Variants in CEP83 observed in about 807,000 individuals in gnomAD.
CEP83 encodes centrosomal protein 83, also known as centrosomal protein of 83 kDa.
Under a neutral mutation model 101.9 loss-of-function variants are expected in CEP83, and 70 were observed. The observed-to-expected ratio is 0.69, with a 90% CI of 0.57 to 0.84. CEP83 has a LOEUF of 0.84. Among genes scored for constraint, CEP83 ranks in the 40% least tolerant of loss-of-function variants. The pLI is 0.00. For missense variants in CEP83, 715 were observed against 787.2 expected (o/e 0.91, Z 1.10); for synonymous variants, 264 against 267.9 (o/e 0.99, Z 0.14).
At chr12:94,425,023 G>C (rs61626173) in intron 2 of CEP83, 104,186 of 1,236,272 alleles carry the variant, frequency 0.084, 4,784 homozygotes, top group African/African-American at 0.2. Flanking sequence ...GAAAGGGAGG[G>C]GGTAAGAAAG....
At chr12:94,387,218 T>C (rs780048614) in intron 6 of CEP83, among the ~76,000 whole-genome samples, 10 of 152,142 alleles carry the variant, frequency 6.6e-5, no homozygotes, top group Non-Finnish European at 1.0e-4. Flanking sequence ...CATGGACCAT[T>C]ACCAGTCCAT....
intron 2 of CEP83, among the ~76,000 whole-genome samples, chr12:94,415,718 A>G (rs1168876317): frequency 6.6e-6 from 1 of 152,134 alleles, no homozygotes. Flanking sequence ...TCAAAACTAT[A>G]AGGAGAAATA....
At chr12:94,295,024 T>C in the CEP83 span, among the ~76,000 whole-genome samples, 1 of 152,320 alleles carries the variant, frequency 6.6e-6, no homozygotes, top group South Asian at 2.1e-4. Context: ...GGAACTTTTA[T>C]GGGAAAGTCA....
At chr12:94,367,751 T>G in intron 11 of CEP83, 43 bp downstream of exon 11, 10 of 1,443,374 alleles carry the variant, frequency 6.9e-6, no homozygotes, top group Non-Finnish European at 9.3e-6. Context: ...AACTCTGACC[T>G]TATTTCAACA....
chr12:94,434,730 A>G (rs75840185), intron 2 of CEP83, among the ~76,000 whole-genome samples: 8,649 of 152,294 alleles, frequency 0.057, 275 homozygotes, highest in Non-Finnish European at 0.072. Context: ...GATGGGACGC[A>G]AGTCTAAACA....
the CEP83 span, among the ~76,000 whole-genome samples, chr12:94,297,674 CT>C: frequency 6.6e-6 from 1 of 152,188 alleles, no homozygotes; most frequent in South Asian, 2.1e-4. Flanking sequence ...CAGTCTCTTT[CT>C]CCACCATTTC....
At chr12:94,340,909 A>T (rs1593259381) in intron 11 of CEP83, among the ~76,000 whole-genome samples, 1 of 152,360 alleles carries the variant, frequency 6.6e-6, no homozygotes, top group Admixed American at 6.5e-5. Context: ...AAAAGTCACT[A>T]TTATCTAATT....
Position 94,310,125 on chromosome 12 carries a change from A to G in CEP83, c.1812-18T>C. On this transcript the variant is annotated intron_variant, in intron 15 of 16. Transcript: ENST00000397809. The stretch of plus-strand genomic sequence containing the variant: ...CATTTTGTCTTAAAAAGAAAAAGAA[A>G]TGTTTCTTTAACATGGTTATACCCT... 7.2e-7 allele frequency: 1 copy of G among 1,389,724 alleles called. No homozygotes were observed. Among genetic ancestry groups the G allele is most frequent in the East Asian group, 2.3e-5 (1 of 43,596 alleles). 86.1% of individuals were successfully genotyped at this position (1,389,724 alleles called of 1,614,324 possible).
chr12:94,281,385 G>A, the CEP83 span, among the ~76,000 whole-genome samples: 1 of 152,192 alleles, frequency 6.6e-6, no homozygotes, highest in Non-Finnish European at 1.5e-5. Context: ...CAAAGGGGCA[G>A]AAAATACATA....
chr12:94,351,032 T>A (rs1247117250), intron 11 of CEP83, among the ~76,000 whole-genome samples: 1 of 151,768 alleles, frequency 6.6e-6, no homozygotes, highest in Non-Finnish European at 1.5e-5. Flanking sequence ...TAACTGCACT[T>A]CAGGTAAGAG....
At chr12:94,314,138 C>T (rs1970299036) in intron 14 of CEP83, among the ~76,000 whole-genome samples, 1 of 151,874 alleles carries the variant, frequency 6.6e-6, no homozygotes, top group South Asian at 2.1e-4. Flanking sequence ...TATACACAGG[C>T]CTTTTGTTTT....
rs959978784 is a variant in CEP83 at position 94,424,103 on chromosome 12, G to A, written c.-102+11172C>T. The A allele has an allele frequency of 2.5e-5, 40 of 1,606,522 alleles. No homozygotes were observed. In the African/African-American group the frequency reaches 3.3e-4, roughly 13 times the overall value. ...AGATGTCTGAGTCACTCTCTGATAC[G>A]AAGACACAGGAGAGGAAAGGTATGG... On this transcript the variant is annotated intron_variant, in intron 2 of 16. Coordinates refer to ENST00000397809, the MANE Select transcript of CEP83 (RefSeq NM_016122.3).
chr12:94,392,706 G>T (rs1234573993), intron 6 of CEP83, among the ~76,000 whole-genome samples: 3 of 152,120 alleles, frequency 2.0e-5, no homozygotes, highest in Admixed American at 6.5e-5. Flanking sequence ...CCAGGAGCTG[G>T]TTTTTTGAAA....
chr12:94,317,591 T>C (rs1171959744), intron 14 of CEP83, among the ~76,000 whole-genome samples: 1 of 152,206 alleles, frequency 6.6e-6, no homozygotes, highest in Non-Finnish European at 1.5e-5. Context: ...GACTTTTGCA[T>C]ATGGTGTAAG....
chr12:94,425,330 G>A (rs559605118), intron 2 of CEP83, among the ~76,000 whole-genome samples: 2 of 152,144 alleles, frequency 1.3e-5, no homozygotes, highest in Non-Finnish European at 2.9e-5. Context: ...CAGGATCCAG[G>A]ATCCAATCAG....
intron 6 of CEP83, among the ~76,000 whole-genome samples, chr12:94,397,476 C>T (rs562596191): frequency 2.3e-4 from 35 of 150,584 alleles, no homozygotes; most frequent in African/African-American, 7.3e-4. Flanking sequence ...CCAGCCTGGG[C>T]GACAGAGCAA....
At chr12:94,352,555 G>C (rs912901793) in intron 11 of CEP83, among the ~76,000 whole-genome samples, 8 of 151,740 alleles carry the variant, frequency 5.3e-5, no homozygotes, top group Non-Finnish European at 1.0e-4. Context: ...ACAATGTTAA[G>C]GAAACTTGGA....
At position 94,335,879 on chromosome 12, in the gene CEP83, T is replaced by C. The variant is rs546093273; in HGVS notation, c.1344-215A>G. On this transcript the variant is annotated intron_variant, in intron 11 of 16. Transcript: ENST00000397809. ...TAGGAAAATCTACAAACTAGGGGCATAGAGAGGATAAGAAATCAAGTCTGT... is the reference window on the plus strand; with the variant it reads ...TAGGAAAATCTACAAACTAGGGGCACAGAGAGGATAAGAAATCAAGTCTGT... 3.8e-4 allele frequency: 186 copies of C among 494,498 alleles called. 1 individual carries two copies. Among genetic ancestry groups the C allele is most frequent in the Non-Finnish European group, 5.7e-4 (160 of 280,100 alleles). The allele number at this position is 494,498 out of a possible 1,614,324, so 30.6% of individuals were successfully genotyped here.
At chr12:94,266,700 C>T in the CEP83 span, among the ~76,000 whole-genome samples, 1 of 152,238 alleles carries the variant, frequency 6.6e-6, no homozygotes, top group Admixed American at 6.5e-5. Context: ...CTCTATGCCT[C>T]ATTCTCCTCA....
Sources: allele counts gnomAD v4.1 joint callset (sites outside exome capture counted in the v4.1 genomes callset), GRCh38; gene constraint gnomAD v4.1.1; transcripts MANE v1.5; gene names NCBI Gene and HGNC (gene_info 2026-07-23, HGNC 2026-07-21).